SOBP: variants seen among roughly 807,000 people sequenced by gnomAD.
SOBP encodes the protein sine oculis binding protein homolog, also known as sine oculis-binding protein homolog.
Under a neutral mutation model 53.6 loss-of-function variants are expected in SOBP, and 4 were observed. The observed-to-expected ratio is 0.07, with a 90% CI of 0.04 to 0.17. SOBP has a LOEUF of 0.17. Among genes scored for constraint, SOBP ranks in the 10% least tolerant of loss-of-function variants. SOBP has a pLI of 1.00. For synonymous variants in SOBP, 584 were observed against 522.6 expected (o/e 1.12, Z -1.60); for missense variants, 1,088 against 1,204.7 (o/e 0.90, Z 1.43).
At chr6:107,553,410 C>T (rs1258045409) in intron 4 of SOBP, among the ~76,000 whole-genome samples, 2 of 151,616 alleles carry the variant, frequency 1.3e-5, no homozygotes, top group African/African-American at 4.8e-5. Flanking sequence ...CTCACTGCAA[C>T]CTCTGCCTCC....
At chr6:107,656,301 A>AAGACAGAAAGAC (rs779859391) in intron 6 of SOBP, among the ~76,000 whole-genome samples, 1 of 51,396 alleles carries the variant, frequency 1.9e-5, no homozygotes, top group African/African-American at 6.1e-5. Context: ...GAAAGAAAGA[A>AAGACAGAAAGAC]AGAAAGAAAG....
intron 4 of SOBP, among the ~76,000 whole-genome samples, chr6:107,548,056 A>C (rs2115006813): frequency 6.6e-6 from 1 of 152,230 alleles, no homozygotes. Context: ...GGTACCATTG[A>C]GAGTTCATTG....
chr6:107,638,867 T>C (rs1771182526), intron 6 of SOBP, among the ~76,000 whole-genome samples: 1 of 151,816 alleles, frequency 6.6e-6, no homozygotes, highest in Non-Finnish European at 1.5e-5. Flanking sequence ...TGTCTGCCTT[T>C]TTCATACTGT....
intron 5 of SOBP, among the ~76,000 whole-genome samples, chr6:107,599,767 A>G (rs920176935): frequency 3.3e-5 from 5 of 152,206 alleles, no homozygotes; most frequent in African/African-American, 1.2e-4. Flanking sequence ...TCATATGCTG[A>G]TAAGTTTCAG....
At chr6:107,602,972 CA>C (rs35388425) in intron 5 of SOBP, among the ~76,000 whole-genome samples, 59,298 of 143,982 alleles carry the variant, frequency 0.41, 13,378 homozygotes, top group East Asian at 0.71. Context: ...CCGTCCCCCA[CA>C]AAAAAAAAAA....
At chr6:107,572,162 T>G (rs977865670) in intron 4 of SOBP, among the ~76,000 whole-genome samples, 4 of 152,160 alleles carry the variant, frequency 2.6e-5, no homozygotes, top group African/African-American at 2.4e-5. Context: ...GGTGGACACA[T>G]TTAAACAAAA....
At chr6:107,529,620 G>A (rs1361286937) in intron 3 of SOBP, 1 of 985,246 alleles carries the variant, frequency 1.0e-6, no homozygotes, top group African/African-American at 1.7e-5. Flanking sequence ...AGGTAAGTTA[G>A]TATACATGTT....
intron 4 of SOBP, among the ~76,000 whole-genome samples, chr6:107,541,536 C>T (rs926002238): frequency 1.2e-4 from 19 of 152,204 alleles, no homozygotes; most frequent in African/African-American, 4.1e-4. Context: ...ATTAATCCCA[C>T]TCCCACTCCA....
In SOBP at chr6:107,533,165, C is replaced by CT. The variant is rs755278856; in HGVS notation, c.422-276dup. ...GGCTGGTTTAACTAGGCAGATGAAG[C>CT]TTTTTTTTTTTTTTTTTTAAACCAG... is the stretch of plus-strand genomic sequence containing the variant. On this transcript the variant is annotated intron_variant, in intron 3 of 6. Transcript: ENST00000317357. Among the ~76,000 whole-genome samples the CT allele has an allele frequency of 6.7e-3, 734 of 109,436 alleles. 11 individuals are homozygous for CT. Among genetic ancestry groups the CT allele is most frequent in the East Asian group, 0.062 (242 of 3,882 alleles). 71.8% of individuals were successfully genotyped at this position (109,436 alleles called of 152,430 possible).
At chr6:107,657,733 T>C (rs1242326874) in intron 6 of SOBP, among the ~76,000 whole-genome samples, 1 of 151,846 alleles carries the variant, frequency 6.6e-6, no homozygotes, top group African/African-American at 2.4e-5. Flanking sequence ...ATCCCAGCAC[T>C]TTGGGAGGCT....
At chr6:107,563,424 A>G (rs1026685222) in intron 4 of SOBP, among the ~76,000 whole-genome samples, 2 of 152,196 alleles carry the variant, frequency 1.3e-5, no homozygotes, top group Admixed American at 1.3e-4. Context: ...CTTGAGAAAA[A>G]TGAGTTGCAA....
chr6:107,507,066 CAAAA>C (rs781118503), intron 3 of SOBP, among the ~76,000 whole-genome samples: 1 of 121,700 alleles, frequency 8.2e-6, no homozygotes, highest in African/African-American at 3.0e-5. Context: ...AACTCCGTCT[CAAAA>C]AAAAAAAAAA....
chr6:107,587,277 A>G (rs1171534099), intron 5 of SOBP, 102 bp downstream of exon 5: 12 of 940,600 alleles, frequency 1.3e-5, no homozygotes, highest in Non-Finnish European at 1.9e-5. Flanking sequence ...ATGAAATATT[A>G]TAGTTTTCTG....
intron 4 of SOBP, among the ~76,000 whole-genome samples, chr6:107,534,245 TG>T (rs878865255): frequency 6.6e-6 from 1 of 152,192 alleles, no homozygotes; most frequent in Admixed American, 6.5e-5. Flanking sequence ...GGTTTTGTTT[TG>T]AAGACATCCC....
chr6:107,506,518 T>G, intron 3 of SOBP, 91 bp downstream of exon 3: 1 of 1,448,288 alleles, frequency 6.9e-7, no homozygotes, highest in Non-Finnish European at 9.7e-7. Flanking sequence ...CAAGTTAACT[T>G]TGGTAGAGGC....
At chr6:107,513,724 CAAA>C (rs57209957) in intron 3 of SOBP, among the ~76,000 whole-genome samples, 2 of 96,302 alleles carry the variant, frequency 2.1e-5, no homozygotes, top group Non-Finnish European at 2.2e-5. Flanking sequence ...ATGCAATTCT[CAAA>C]AAAAAAAAAA....
At chr6:107,498,055 G>T (rs922095876) in intron 1 of SOBP, among the ~76,000 whole-genome samples, 1 of 152,004 alleles carries the variant, frequency 6.6e-6, no homozygotes, top group Admixed American at 6.5e-5. Context: ...AATTTTATTT[G>T]ATCATTTCTC....
At chr6:107,655,028 T>C (rs1771973579) in intron 6 of SOBP, among the ~76,000 whole-genome samples, 1 of 151,896 alleles carries the variant, frequency 6.6e-6, no homozygotes. Flanking sequence ...CAAGGTCACA[T>C]AGCCAGTCAG....
chr6:107,602,964 G>A (rs758903691), intron 5 of SOBP, among the ~76,000 whole-genome samples: 21 of 125,280 alleles, frequency 1.7e-4, no homozygotes, highest in Non-Finnish European at 2.8e-4. Flanking sequence ...TGCCTCCCCC[G>A]TCCCCCACAA....
Sources: allele counts gnomAD v4.1 joint callset (sites outside exome capture counted in the v4.1 genomes callset), GRCh38; gene constraint gnomAD v4.1.1; transcripts MANE v1.5; gene names NCBI Gene and HGNC (gene_info 2026-07-23, HGNC 2026-07-21).